Variants in CPA4 observed in about 807,000 individuals in gnomAD.
CPA4 encodes carboxypeptidase A3.
CPA4 carries 49 observed loss-of-function variants against 54.7 expected under a neutral mutation model. The ratio of observed to expected loss-of-function variants is 0.90; its 90% CI spans 0.71 to 1.14. CPA4 has a LOEUF of 1.14. Among genes scored for constraint, CPA4 ranks in the 50% most tolerant of loss-of-function variants. CPA4 has a pLI of 0.00. For synonymous variants in CPA4, 215 were observed against 206.8 expected, an observed-to-expected ratio of 1.04 and a Z score of -0.34; for missense variants, 487 against 525.1, an observed-to-expected ratio of 0.93 and a Z score of 0.71.
intron 5 of CPA4, 29 bp downstream of exon 5, chr7:130,304,608 C>T (rs1793790675): frequency 7.4e-7 from 1 of 1,352,918 alleles, no homozygotes; most frequent in Admixed American, 1.7e-5. Context: ...GGAAGGGTCT[C>T]CTGGGTCCTC....
At chr7:130,318,060 G>A (rs1794018389) in intron 10 of CPA4, among the ~76,000 whole-genome samples, 1 of 152,162 alleles carries the variant, frequency 6.6e-6, no homozygotes, top group African/African-American at 2.4e-5. Context: ...ATAATTCATG[G>A]TTTCTTGATA....
intron 4 of CPA4, 109 bp from the exon 5 acceptor site, chr7:130,304,369 A>G (rs1793785298): frequency 2.6e-6 from 2 of 780,994 alleles, no homozygotes; most frequent in African/African-American, 1.7e-5. Flanking sequence ...CAATTCCAAG[A>G]TTAGGGTCCC....
At chr7:130,298,679 G>A (rs971898181) in intron 1 of CPA4, 67 bp from the exon 2 acceptor site, 10 of 952,550 alleles carry the variant, frequency 1.0e-5, no homozygotes, top group Non-Finnish European at 1.7e-5. Context: ...GAGGCTTGGG[G>A]GTTTCTTTGC....
intron 1 of CPA4, among the ~76,000 whole-genome samples, chr7:130,298,292 T>C (rs939751197): frequency 2.0e-5 from 3 of 152,246 alleles, no homozygotes; most frequent in African/African-American, 7.2e-5. Context: ...TGAGTTAGCT[T>C]TGCGTGTAAC....
At position 130,300,782 on chromosome 7, in the gene CPA4, T is replaced by C. The variant is rs1212447823; in HGVS notation, c.286-34T>C. 4 of 1,459,736 alleles carry C rather than the reference T, an allele frequency of 2.7e-6. No individual in the cohort carries two copies. In the Admixed American group the frequency reaches 5.0e-5, roughly 18 times the overall value. 90.4% of individuals were successfully genotyped at this position (1,459,736 alleles called of 1,614,324 possible). A position where few individuals can be genotyped will look rare whatever the true frequency, so the allele number is the denominator to read the frequency against. On this transcript the variant is annotated intron_variant, in intron 3 of 10. Coordinates refer to ENST00000222482, the MANE Select transcript of CPA4 (RefSeq NM_016352.4). ...AAAAAACATAAACCTGCGTCTGCAA[T>C]GGATCACTTCACAACATTGCTGTGT...
intron 10 of CPA4, among the ~76,000 whole-genome samples, chr7:130,314,288 T>G (rs762558287): frequency 7.2e-5 from 11 of 151,788 alleles, no homozygotes; most frequent in Non-Finnish European, 1.6e-4. Flanking sequence ...AAAACGGGGG[T>G]GTGTTTAGTT....
rs190747118 is a variant in CPA4, at chr7:130,293,510, T to G, written c.68+262T>G. 55 of 431,050 alleles carry G rather than the reference T, an allele frequency of 1.3e-4. No individual in the cohort carries two copies. In the East Asian group the frequency reaches 2.6e-3, roughly 20 times the overall value. The allele number at this position is 431,050 out of a possible 1,614,324, so 26.7% of individuals were successfully genotyped here. On this transcript the variant is annotated intron_variant, in intron 1 of 10. Coordinates refer to ENST00000222482, the MANE Select transcript of CPA4 (RefSeq NM_016352.4). ...GTTCTTTTTCTGCCTAGTTCTTACT[T>G]ATAAGGTCAGTTCCAGGCATCTACT...
rs1328538566 is a variant in CPA4 at position 130,323,690 on chromosome 7, G to C, written c.*1014G>C. 6.6e-6 allele frequency: 1 copy of C among 152,148 alleles called. No homozygotes were observed. Among genetic ancestry groups the C allele is most frequent in the African/African-American group, 2.4e-5 (1 of 41,430 alleles). The allele number at this position is 152,148 out of a possible 1,614,324, so 9.4% of individuals were successfully genotyped here. A position where few individuals can be genotyped will look rare whatever the true frequency, so the allele number is the denominator to read the frequency against. The stretch of plus-strand genomic sequence containing the variant: ...GTAGGTACTGTGCCCAGGAAGGCTG[G>C]GTGAAGTGACCATCTAAATTGCAGG... On this transcript the variant is annotated 3_prime_UTR_variant, in exon 11 of 11. Transcript: ENST00000222482.
chr7:130,308,216 C>T, intron 7 of CPA4, 91 bp from the exon 8 acceptor site: 1 of 1,080,794 alleles, frequency 9.3e-7, no homozygotes, highest in Non-Finnish European at 1.4e-6. Context: ...TGCAAGCAGC[C>T]TGCCCTGCCT....
At position 130,308,850 on chromosome 7, in the gene CPA4, C is replaced by CTTTTTTTTTTTTTTT. The variant is rs1249548992; in HGVS notation, c.793+454_793+468dup. Among the ~76,000 whole-genome samples, 874 of 120,146 alleles carry CTTTTTTTTTTTTTTT rather than the reference C, an allele frequency of 7.3e-3. 80 individuals carry two copies. Among genetic ancestry groups the CTTTTTTTTTTTTTTT allele is most frequent in the African/African-American group, 0.03 (849 of 27,966 alleles). The allele number at this position is 120,146 out of a possible 152,430, so 78.8% of individuals were successfully genotyped here. A position where few individuals can be genotyped will look rare whatever the true frequency, so the allele number is the denominator to read the frequency against. Reference sequence around the variant, plus strand: ...ATAGCCGTAAGCCACCTAGCCCAGCCTTTTTTTTTTTTTTTGAGACAGAGT... The same window carrying CTTTTTTTTTTTTTTT: ...ATAGCCGTAAGCCACCTAGCCCAGCCTTTTTTTTTTTTTTTTTTTTTTTTTTTTTTGAGACAGAGT... On this transcript the variant is annotated intron_variant, in intron 8 of 10. Transcript: ENST00000222482.
intron 1 of CPA4, among the ~76,000 whole-genome samples, chr7:130,294,540 G>T (rs1202187486): frequency 2.0e-5 from 3 of 152,188 alleles, no homozygotes; most frequent in Non-Finnish European, 2.9e-5. Flanking sequence ...GAACTGTCAG[G>T]CTCCCACTGC....
Position 130,298,832 on chromosome 7 carries a change from C to A in CPA4, c.150+5C>A. ...GTGAATTCAAACAACTTGAAGGTAC[C>A]TGGTTCTTTTTAGCTCTCCTGAGTG... On this transcript the variant is annotated splice_donor_5th_base_variant and intron_variant, in intron 2 of 10. Coordinates refer to ENST00000222482, the MANE Select transcript of CPA4 (RefSeq NM_016352.4). 1.9e-6 allele frequency: 3 copies of A among 1,579,440 alleles called. No individual in the cohort carries two copies. The highest frequency in any genetic ancestry group is 2.6e-6 in the Non-Finnish European group (3 of 1,148,504).
chr7:130,295,337 C>T (rs573476017), intron 1 of CPA4, among the ~76,000 whole-genome samples: 2 of 152,274 alleles, frequency 1.3e-5, no homozygotes, highest in African/African-American at 4.8e-5. Flanking sequence ...AGTGGGAGTG[C>T]CAGCCATTGC....
At chr7:130,321,424 T>C (rs1794097671) in intron 10 of CPA4, among the ~76,000 whole-genome samples, 1 of 152,176 alleles carries the variant, frequency 6.6e-6, no homozygotes, top group Admixed American at 6.5e-5. Context: ...TCCATTTTCT[T>C]AGTTTCTGTA....
At chr7:130,294,751 C>T (rs1405156930) in intron 1 of CPA4, among the ~76,000 whole-genome samples, 4 of 152,212 alleles carry the variant, frequency 2.6e-5, no homozygotes, top group South Asian at 2.1e-4. Flanking sequence ...TCCATTCTCA[C>T]GCCATAGTAG....
chr7:130,301,064 T>G, intron 4 of CPA4, 150 bp downstream of exon 4: 1 of 616,932 alleles, frequency 1.6e-6, no homozygotes, highest in Non-Finnish European at 2.9e-6. Flanking sequence ...TTCTAATTCT[T>G]GGATTGCTGA....
chr7:130,310,887 T>C lies in CPA4; in HGVS notation c.894T>C (p.His298=), dbSNP rs774047932. 7.4e-6 allele frequency: 12 copies of C among 1,613,896 alleles called. No individual in the cohort carries two copies. The highest frequency in any genetic ancestry group is 1.7e-5 in the Admixed American group (1 of 59,996). Residue 298 remains histidine, a synonymous_variant, in exon 9 of 11, where the codon CAT becomes CAC. Transcript: ENST00000222482. The surrounding 1 kb of genome is among the most constrained non-coding windows in gnomAD (Gnocchi z 4.3). The stretch of plus-strand genomic sequence containing the variant: ...CAGTGGTAGATTTCATCCAAAAACA[T>C]GGGAATTTCAAGGGCTTCATCGACC... ...VKSVVDFIQK[H]GNFKGFIDLH... is the part of the protein sequence containing the mutation.
At chr7:130,297,502 G>A (rs899577072) in intron 1 of CPA4, among the ~76,000 whole-genome samples, 2 of 152,148 alleles carry the variant, frequency 1.3e-5, no homozygotes, top group African/African-American at 2.4e-5. Flanking sequence ...GGAACCTTCA[G>A]CACTGTCATC....
intron 10 of CPA4, among the ~76,000 whole-genome samples, chr7:130,321,979 G>C (rs1794112684): frequency 6.6e-6 from 1 of 152,176 alleles, no homozygotes; most frequent in African/African-American, 2.4e-5. Flanking sequence ...CTTACACCAT[G>C]ACAGCTGGCT....
Sources: allele counts gnomAD v4.1 joint callset (sites outside exome capture counted in the v4.1 genomes callset), GRCh38; gene constraint gnomAD v4.1.1; non-coding constraint Gnocchi (gnomAD v3.1); transcripts MANE v1.5; gene names NCBI Gene and HGNC (gene_info 2026-07-23, HGNC 2026-07-21).